Variants in RAP1GAP2 observed in about 807,000 individuals in gnomAD.
RAP1GAP2 encodes the protein RAP1 GTPase activating protein 2, also known as rap1 GTPase-activating protein 2.
In RAP1GAP2, 27 loss-of-function variants were observed where a neutral mutation model predicts 95.0. The ratio of observed to expected loss-of-function variants is 0.28; its 90% CI spans 0.21 to 0.39. The LOEUF (loss-of-function observed/expected upper bound fraction) is 0.39. Ranked by LOEUF, RAP1GAP2 falls within the 10% of genes least tolerant of loss-of-function variation. The probability of loss-of-function intolerance (pLI) is 1.00; values close to 1 mark genes in which losing one functional copy is unlikely to be tolerated. For synonymous variants in RAP1GAP2, 373 were observed against 380.9 expected (o/e 0.98, Z 0.24); for missense variants, 771 against 970.0 (o/e 0.79, Z 2.72).
At chr17:2,943,876 A>G (rs943939378) in intron 3 of RAP1GAP2, among the ~76,000 whole-genome samples, 2 of 150,630 alleles carry the variant, frequency 1.3e-5, no homozygotes, top group East Asian at 2.0e-4. Context: ...GAGGCCAGGC[A>G]TGGTGGCTCA....
rs1416750188 is a variant in RAP1GAP2, at chr17:3,035,055, T to C, written c.*1694T>C. 6.6e-6 allele frequency: 1 copy of C among 152,324 alleles called. No homozygotes were observed. The highest frequency in any genetic ancestry group is 1.9e-4 in the East Asian group (1 of 5,184). 9.4% of individuals were successfully genotyped at this position (152,324 alleles called of 1,614,324 possible). The stretch of plus-strand genomic sequence containing the variant: ...CATTCAAGCAACATTGTGATCTTTC[T>C]TCCCCGCCACGTGTGTGGGAATGAT... On this transcript the variant is annotated 3_prime_UTR_variant, in exon 25 of 25. Coordinates refer to ENST00000254695, the MANE Select transcript of RAP1GAP2 (RefSeq NM_015085.5). This position sits in a 1 kb window ranked among gnomAD's most constrained non-coding sequence, Gnocchi z 4.3.
At position 2,831,659 on chromosome 17, in the gene RAP1GAP2, C is replaced by T. The variant is rs111896991; in HGVS notation, c.80+31109C>T. 4.9e-3 allele frequency among the ~76,000 whole-genome samples: 742 copies of T among 151,754 alleles called. 2 individuals are homozygous for T. Among genetic ancestry groups the T allele is most frequent in the African/African-American group, 0.017 (685 of 41,408 alleles). The stretch of plus-strand genomic sequence containing the variant: ...TAATCCCAGGACCGTAGGAGGCCAA[C>T]GTGTGTGGATTGCTTGAGCCCAGGA... On this transcript the variant is annotated intron_variant, in intron 2 of 24. Coordinates refer to ENST00000254695, the MANE Select transcript of RAP1GAP2 (RefSeq NM_015085.5).
intron 2 of RAP1GAP2, among the ~76,000 whole-genome samples, chr17:2,807,056 G>C (rs1353581808): frequency 6.7e-6 from 1 of 150,060 alleles, no homozygotes; most frequent in Non-Finnish European, 1.5e-5. Flanking sequence ...GCACGTTTTT[G>C]TGGCTAATTT....
chr17:2,829,095 G>T (rs1010048745), intron 2 of RAP1GAP2, among the ~76,000 whole-genome samples: 1 of 143,896 alleles, frequency 6.9e-6, no homozygotes, highest in Non-Finnish European at 1.5e-5. Context: ...CGATTCTCCT[G>T]CCTCAGCCTT....
In RAP1GAP2 at chr17:2,947,464, C is replaced by G. The variant is rs1471435551; in HGVS notation, c.166-10295C>G. Among the ~76,000 whole-genome samples, 5 of 152,170 alleles carry G rather than the reference C, an allele frequency of 3.3e-5. No homozygotes were observed. In the South Asian group the frequency reaches 6.2e-4, roughly 19 times the overall value. ...TCCCAACAAGCCCGCCCTGGCCACTCCCAGGCCAAGACTCAGCCCTCACCG... is the reference window on the plus strand; with the variant it reads ...TCCCAACAAGCCCGCCCTGGCCACTGCCAGGCCAAGACTCAGCCCTCACCG... On this transcript the variant is annotated intron_variant, in intron 3 of 24. Transcript: ENST00000254695.
At chr17:2,779,841 G>A (rs1450762442) in intron 1 of RAP1GAP2, among the ~76,000 whole-genome samples, 1 of 151,996 alleles carries the variant, frequency 6.6e-6, no homozygotes, top group Non-Finnish European at 1.5e-5. Flanking sequence ...GGCAGAAGGT[G>A]GCCAAGAAGC....
rs2047511151 is a variant in RAP1GAP2, at chr17:3,037,685, T to C, written c.*4324T>C. On this transcript the variant is annotated 3_prime_UTR_variant, in exon 25 of 25. Coordinates refer to ENST00000254695, the MANE Select transcript of RAP1GAP2 (RefSeq NM_015085.5). ...TCTAAAAGGTTGACAAATGTATATT[T>C]TGTTGCTTAAATGTGTCTTTGCAGA... 1 of 152,492 alleles carries C rather than the reference T, an allele frequency of 6.6e-6. No individual in the cohort carries two copies. Among genetic ancestry groups the C allele is most frequent in the African/African-American group, 2.4e-5 (1 of 41,412 alleles). The allele number at this position is 152,492 out of a possible 1,614,324, so 9.4% of individuals were successfully genotyped here. A position where few individuals can be genotyped will look rare whatever the true frequency, so the allele number is the denominator to read the frequency against.
chr17:2,962,592 T>C (rs935477628), intron 4 of RAP1GAP2, 78 bp from the exon 5 acceptor site: 304 of 1,433,420 alleles, frequency 2.1e-4, no homozygotes, highest in Non-Finnish European at 2.9e-4. Flanking sequence ...TAACCCCCTG[T>C]AAGGCCAGGT....
At chr17:2,786,679 CTG>C (rs911021118) in intron 1 of RAP1GAP2, among the ~76,000 whole-genome samples, 12 of 150,272 alleles carry the variant, frequency 8.0e-5, no homozygotes, top group Non-Finnish European at 1.5e-4. Flanking sequence ...GAGTCTCACT[CTG>C]TTGCCCAGGC....
intron 2 of RAP1GAP2, among the ~76,000 whole-genome samples, chr17:2,849,123 T>A (rs2071713053): frequency 6.6e-6 from 1 of 152,184 alleles, no homozygotes; most frequent in Non-Finnish European, 1.5e-5. Context: ...GACCGTCCTG[T>A]CCAAGGCTCT....
At chr17:2,850,530 C>T (rs960651470) in intron 2 of RAP1GAP2, among the ~76,000 whole-genome samples, 11 of 150,262 alleles carry the variant, frequency 7.3e-5, no homozygotes, top group Non-Finnish European at 1.3e-4. Flanking sequence ...GGGCGGATCA[C>T]GAGGTCAGGA....
At chr17:3,023,472 T>C (rs2151652012) in intron 19 of RAP1GAP2, among the ~76,000 whole-genome samples, 1 of 152,216 alleles carries the variant, frequency 6.6e-6, no homozygotes, top group East Asian at 1.9e-4. Flanking sequence ...TAGCCCTGGG[T>C]GGTGGCACCA....
intron 3 of RAP1GAP2, among the ~76,000 whole-genome samples, chr17:2,928,727 C>G (rs948666970): frequency 5.3e-5 from 8 of 152,144 alleles, no homozygotes; most frequent in Non-Finnish European, 1.0e-4. Context: ...ATCTCTAATT[C>G]TCCTCGCTTG....
intron 2 of RAP1GAP2, among the ~76,000 whole-genome samples, chr17:2,878,517 G>A (rs1331383562): frequency 6.6e-6 from 1 of 152,136 alleles, no homozygotes; most frequent in Non-Finnish European, 1.5e-5. Flanking sequence ...CCTAGGCAAG[G>A]GCGTTGGTTA....
intron 3 of RAP1GAP2, among the ~76,000 whole-genome samples, chr17:2,921,643 C>T (rs2042776674): frequency 6.6e-6 from 1 of 151,228 alleles, no homozygotes; most frequent in Admixed American, 6.6e-5. Context: ...GTCAGCAGGG[C>T]CGTTATGTGT....
chr17:2,813,589 T>C (rs535289193), intron 2 of RAP1GAP2, among the ~76,000 whole-genome samples: 2 of 152,340 alleles, frequency 1.3e-5, no homozygotes, highest in African/African-American at 4.8e-5. Context: ...GGTGCCATCC[T>C]GTGCGTTGTA....
At position 2,910,829 on chromosome 17, in the gene RAP1GAP2, A is replaced by C. The variant is rs540738051; in HGVS notation, c.165+5461A>C. ...CAACCTCCGTCTCCCAGGCTCAAGC[A>C]GTTCTCCTGCCCCAGCGCACCACCA... On this transcript the variant is annotated intron_variant, in intron 3 of 24. Coordinates refer to ENST00000254695, the MANE Select transcript of RAP1GAP2 (RefSeq NM_015085.5). Among the ~76,000 whole-genome samples, 8 of 152,260 alleles carry C rather than the reference A, an allele frequency of 5.3e-5. No homozygotes were observed. The South Asian group carries it at 1.5e-3, about 28-fold the overall frequency.
At chr17:2,816,511 TA>T (rs2070035896) in intron 2 of RAP1GAP2, among the ~76,000 whole-genome samples, 1 of 151,920 alleles carries the variant, frequency 6.6e-6, no homozygotes, top group African/African-American at 2.4e-5. Flanking sequence ...CTAATTTTTA[TA>T]TTTTTTAGTA....
At chr17:2,934,600 C>T (rs1567795218) in intron 3 of RAP1GAP2, among the ~76,000 whole-genome samples, 2 of 152,172 alleles carry the variant, frequency 1.3e-5, no homozygotes, top group African/African-American at 2.4e-5. Flanking sequence ...GAAATAATTA[C>T]TGAGTACAAA....
Sources: gnomAD v4.1 joint callset for allele counts (sites outside exome capture counted in the v4.1 genomes callset) on GRCh38, gnomAD v4.1.1 for gene constraint, Gnocchi (gnomAD v3.1) non-coding constraint, MANE v1.5 for transcripts, NCBI Gene and HGNC (gene_info 2026-07-23, HGNC 2026-07-21) for gene names.